PCDHA2: variants seen among roughly 807,000 people sequenced by gnomAD.
PCDHA2 encodes protocadherin alpha 2.
PCDHA2 carries 58 observed loss-of-function variants against 66.0 expected under a neutral mutation model. The ratio of observed to expected loss-of-function variants is 0.88; its 90% CI spans 0.71 to 1.09. The LOEUF is 1.09. Ranked by LOEUF, PCDHA2 falls within the 50% of genes least tolerant of loss-of-function variation. The pLI, the probability that PCDHA2 is intolerant of heterozygous loss-of-function variation, is 0.00. For synonymous variants in PCDHA2, 634 were observed against 554.0 expected (o/e 1.14, Z -2.03); for missense variants, 1,267 against 1,242.3 (o/e 1.02, Z -0.30).
At chr5:140,828,426 G>A (rs2150155253) in intron 1 of PCDHA2, 5 of 1,614,288 alleles carry the variant, frequency 3.1e-6, no homozygotes, top group Non-Finnish European at 4.2e-6. Flanking sequence ...ATCGTGGACA[G>A]GCCGCTGCAG....
At chr5:140,969,761 T>C (rs886878870) in intron 1 of PCDHA2, among the ~76,000 whole-genome samples, 1 of 152,234 alleles carries the variant, frequency 6.6e-6, no homozygotes, top group African/African-American at 2.4e-5. Flanking sequence ...TAAAAAGCTC[T>C]GAGGCCTCTA....
chr5:140,910,791 G>A (rs1471299729), intron 1 of PCDHA2, among the ~76,000 whole-genome samples: 2 of 152,140 alleles, frequency 1.3e-5, no homozygotes, highest in Non-Finnish European at 2.9e-5. Context: ...ATTAAATGCA[G>A]AATCCCTGCT....
At chr5:141,007,507 G>A (rs2098333216) in intron 3 of PCDHA2, among the ~76,000 whole-genome samples, 1 of 151,980 alleles carries the variant, frequency 6.6e-6, no homozygotes, top group Admixed American at 6.6e-5. Flanking sequence ...GGCAGAGACT[G>A]CAGTGAGCTG....
rs1462764452 is a variant in PCDHA2 at position 140,803,939 on chromosome 5, C to G, written c.2388+6587C>G. 1.3e-5 allele frequency: 5 copies of G among 397,924 alleles called. No individual in the cohort carries two copies. In the South Asian group the frequency reaches 1.8e-4, roughly 15 times the overall value. 24.6% of individuals were successfully genotyped at this position (397,924 alleles called of 1,614,324 possible). A position where few individuals can be genotyped will look rare whatever the true frequency, so the allele number is the denominator to read the frequency against. ...GACTTGTTTTATACTTATCCCTATA[C>G]AATGCTTCTTCAATATCTTTTGCCA... On this transcript the variant is annotated intron_variant, in intron 1 of 3. Coordinates refer to ENST00000526136, the MANE Select transcript of PCDHA2 (RefSeq NM_018905.3).
chr5:140,809,268 T>G (rs1554125113), intron 1 of PCDHA2: 1 of 1,614,118 alleles, frequency 6.2e-7, no homozygotes, highest in South Asian at 1.1e-5. Context: ...GCTGCGCTGG[T>G]GGATGTCAAC....
intron 1 of PCDHA2, chr5:140,867,897 T>C (rs1402943903): frequency 6.6e-6 from 1 of 152,136 alleles, no homozygotes; most frequent in East Asian, 1.9e-4. Flanking sequence ...ATCAGGTACT[T>C]ACAGAAGGTA....
intron 3 of PCDHA2, among the ~76,000 whole-genome samples, chr5:141,007,395 C>CAAAAAAAAAAAA (rs35800918): frequency 6.3e-5 from 6 of 94,866 alleles, no homozygotes; most frequent in Admixed American, 1.2e-4. Flanking sequence ...TACTAAAATA[C>CAAAAAAAAAAAA]AAAAAAAAAA....
chr5:140,870,766 C>T, intron 1 of PCDHA2: 1 of 1,613,562 alleles, frequency 6.2e-7, no homozygotes, highest in Non-Finnish European at 8.5e-7. Context: ...GGTGTTCGTG[C>T]TGGACGAGAA....
At chr5:140,867,070 CA>C (rs1214152735) in intron 1 of PCDHA2, 1 of 152,124 alleles carries the variant, frequency 6.6e-6, no homozygotes, top group Non-Finnish European at 1.5e-5. Flanking sequence ...TATATATTCA[CA>C]AAATACTGTA....
chr5:140,944,992 C>T (rs561484046), intron 1 of PCDHA2, among the ~76,000 whole-genome samples: 11 of 152,114 alleles, frequency 7.2e-5, no homozygotes, highest in South Asian at 2.1e-4. Flanking sequence ...ACTTCTGTAA[C>T]GGTTGTGGGT....
At chr5:140,834,347 AG>A (rs2150215572) in intron 1 of PCDHA2, 2 of 1,523,758 alleles carry the variant, frequency 1.3e-6, no homozygotes, top group South Asian at 2.6e-5. Flanking sequence ...TTCGAAGGCA[AG>A]TTTTGCTGAC....
intron 1 of PCDHA2, among the ~76,000 whole-genome samples, chr5:140,953,085 A>G (rs1197965470): frequency 2.0e-5 from 3 of 152,246 alleles, no homozygotes; most frequent in African/African-American, 4.8e-5. Flanking sequence ...ATTGGGGATT[A>G]CAATTTGACA....
At chr5:140,852,756 G>A in intron 1 of PCDHA2, 1 of 983,910 alleles carries the variant, frequency 1.0e-6, no homozygotes, top group Non-Finnish European at 1.2e-6. Context: ...CTTGGACCCA[G>A]GTATCTGATT....
rs782761972 is a variant in PCDHA2, at chr5:140,927,978, T to C, written c.2389-50971T>C. 9.9e-6 allele frequency: 16 copies of C among 1,614,092 alleles called. No individual in the cohort carries two copies. In the East Asian group the frequency reaches 1.8e-4, roughly 18 times the overall value. ...CCCCTGGCACAGTGATTGCTCTCTTTAGTGTAAAGGATGAAGACCTCGATT... is the reference window on the plus strand; with the variant it reads ...CCCCTGGCACAGTGATTGCTCTCTTCAGTGTAAAGGATGAAGACCTCGATT... On this transcript the variant is annotated intron_variant, in intron 1 of 3. Coordinates refer to ENST00000526136, the MANE Select transcript of PCDHA2 (RefSeq NM_018905.3).
intron 1 of PCDHA2, chr5:140,871,241 C>T (rs782602807): frequency 2.5e-6 from 4 of 1,613,972 alleles, no homozygotes; most frequent in Admixed American, 1.7e-5. Flanking sequence ...CTGGTACTCA[C>T]GCTGCTGCTG....
intron 1 of PCDHA2, chr5:140,868,258 G>T (rs2153230939): frequency 6.6e-6 from 1 of 151,964 alleles, no homozygotes; most frequent in East Asian, 1.9e-4. Context: ...TTCCTTTGTG[G>T]ATTCTTTTTT....
intron 1 of PCDHA2, chr5:140,884,136 G>A (rs371124724): frequency 1.2e-6 from 2 of 1,613,282 alleles, no homozygotes; most frequent in Non-Finnish European, 1.7e-6. Flanking sequence ...ATCCCGTTCC[G>A]CGTGGGGCTG....
chr5:140,948,912 C>A (rs1038670333), intron 1 of PCDHA2, among the ~76,000 whole-genome samples: 1 of 150,924 alleles, frequency 6.6e-6, no homozygotes, highest in Non-Finnish European at 1.5e-5. Context: ...TCTTAGGTAA[C>A]TGATTAGGTA....
chr5:141,010,199 T>G lies in PCDHA2; in HGVS notation c.*262T>G. On this transcript the variant is annotated 3_prime_UTR_variant, in exon 4 of 4. Coordinates refer to ENST00000526136, the MANE Select transcript of PCDHA2 (RefSeq NM_018905.3). Reference sequence around the variant, plus strand: ...AAGCAGACCCAAGTTTCCTTTCTCCTCCGCCGCAAAGGAGAGGCTTCCCAG... The same window carrying G: ...AAGCAGACCCAAGTTTCCTTTCTCCGCCGCCGCAAAGGAGAGGCTTCCCAG... The G allele has an allele frequency of 1.3e-6, 2 of 1,551,990 alleles. No homozygotes were observed. Among genetic ancestry groups the G allele is most frequent in the South Asian group, 1.2e-5 (1 of 84,106 alleles).
Sources: allele counts gnomAD v4.1 joint callset (sites outside exome capture counted in the v4.1 genomes callset), GRCh38; gene constraint gnomAD v4.1.1; transcripts MANE v1.5; gene names NCBI Gene and HGNC (gene_info 2026-07-23, HGNC 2026-07-21).